The following OGDH variants were observed in gnomAD, a reference collection of about 807,000 sequenced individuals.
OGDH encodes oxoglutarate dehydrogenase, also known as 2-oxoglutarate dehydrogenase complex component E1.
OGDH carries 38 observed loss-of-function variants against 116.6 expected under a neutral mutation model. The observed-to-expected ratio is 0.33, with a 90% CI of 0.25 to 0.43. The LOEUF is 0.43. Among genes scored for constraint, OGDH ranks in the 20% least tolerant of loss-of-function variants. The pLI is 1.00. For synonymous variants in OGDH, 488 were observed against 533.3 expected (o/e 0.92, Z 1.17); for missense variants, 825 against 1,357.2 (o/e 0.61, Z 6.16).
At chr7:44,696,253 C>A in intron 13 of OGDH, 126 bp downstream of exon 13, 1 of 1,031,600 alleles carries the variant, frequency 9.7e-7, no homozygotes, top group Non-Finnish European at 1.5e-6. Flanking sequence ...TGCACCATTT[C>A]AGCAAAGCCC....
chr7:44,612,833 C>A (rs576642556), intron 1 of OGDH, among the ~76,000 whole-genome samples: 133 of 152,102 alleles, frequency 8.7e-4, no homozygotes, highest in African/African-American at 3.1e-3. Flanking sequence ...GTAGCTGGGA[C>A]TGCAGGCACG....
chr7:44,606,976 G>A (rs1389231845), intron 1 of OGDH, among the ~76,000 whole-genome samples: 4 of 152,142 alleles, frequency 2.6e-5, no homozygotes, highest in Non-Finnish European at 5.9e-5. Flanking sequence ...CGGGCGCGGC[G>A]GCGGATGTGA....
intron 9 of OGDH, among the ~76,000 whole-genome samples, chr7:44,677,746 C>T (rs1428576721): frequency 1.3e-5 from 2 of 151,932 alleles, no homozygotes; most frequent in Non-Finnish European, 2.9e-5. Context: ...TGGTGGCACA[C>T]GCCTGTAGTC....
At chr7:44,620,017 ATTTTT>A in intron 1 of OGDH, among the ~76,000 whole-genome samples, 1 of 152,120 alleles carries the variant, frequency 6.6e-6, no homozygotes, top group South Asian at 2.1e-4. Flanking sequence ...AAGCACAAAA[ATTTTT>A]TGTTTTGTTT....
Position 44,674,466 on chromosome 7 carries a change from G to A in OGDH, c.844G>A (p.Gly282Ser). 6.2e-7 allele frequency: 1 copy of A among 1,614,158 alleles called. No homozygotes were observed. Among genetic ancestry groups the A allele is most frequent in the Non-Finnish European group, 8.5e-7 (1 of 1,180,032 alleles). ...WSSEKRFGLEGCEVLIPALKT... is the reference protein window; with the variant it reads ...WSSEKRFGLESCEVLIPALKT... ...CTCTGAGAAGCGCTTTGGTCTAGAA[G>A]GCTGCGAGGTACTGATCCCTGCCCT... Residue 282 changes from glycine to serine, a missense_variant, in exon 7 of 23, where the codon GGC becomes AGC. Physicochemically the swap from Gly to Ser is moderately conservative, Grantham distance 56 (BLOSUM62 0). Around this residue, in one of 7 missense-constraint regions of OGDH, gnomAD observed 171 missense variants for 276.8 expected, o/e 0.62. Transcript: ENST00000222673.
chr7:44,700,187 A>G lies in OGDH; in HGVS notation c.2477A>G (p.Asn826Ser), dbSNP rs778123245. 2 of 1,614,136 alleles carry G rather than the reference A, an allele frequency of 1.2e-6. No individual in the cohort carries two copies. The highest frequency in any genetic ancestry group is 3.3e-5 in the Admixed American group (2 of 60,016). Residue 826 changes from asparagine to serine, a missense_variant, in exon 19 of 23, where the codon AAT (asparagine) becomes AGT (serine). Physicochemically the swap from Asn to Ser is conservative, Grantham distance 46 (BLOSUM62 1). Around this residue, in one of 7 missense-constraint regions of OGDH, gnomAD observed 212 missense variants for 284.3 expected, o/e 0.75. Coordinates refer to ENST00000222673, the MANE Select transcript of OGDH (RefSeq NM_002541.4). ...GACATCAATCAGCTATATGACTGCAATTGGGTTGTTGTCAACTGCTCCACT... is the reference window on the plus strand; with the variant it reads ...GACATCAATCAGCTATATGACTGCAGTTGGGTTGTTGTCAACTGCTCCACT... Reference protein sequence around the residue: ...NFDINQLYDCNWVVVNCSTPG... With the variant: ...NFDINQLYDCSWVVVNCSTPG...
chr7:44,667,839 C>T (rs1479055200), intron 5 of OGDH, among the ~76,000 whole-genome samples: 1 of 152,146 alleles, frequency 6.6e-6, no homozygotes, highest in Non-Finnish European at 1.5e-5. Context: ...GGAATGGGGA[C>T]CCTCAGAATT....
intron 2 of OGDH, among the ~76,000 whole-genome samples, chr7:44,635,121 T>C (rs1785605790): frequency 6.6e-6 from 1 of 152,186 alleles, no homozygotes; most frequent in Admixed American, 6.5e-5. Context: ...TGGTCTACAC[T>C]GAGGCCGGGA....
At chr7:44,696,830 G>A (rs182795554) in intron 14 of OGDH, 84 bp from the exon 15 acceptor site, 42 of 1,467,850 alleles carry the variant, frequency 2.9e-5, no homozygotes, top group African/African-American at 2.7e-4. Flanking sequence ...AGAAGGCTCC[G>A]CTCTTGCCAT....
intron 5 of OGDH, among the ~76,000 whole-genome samples, chr7:44,668,634 A>AG (rs141953264): frequency 0.063 from 9,526 of 152,154 alleles, 372 homozygotes; most frequent in Middle Eastern, 0.095. Flanking sequence ...ATTGGGCACC[A>AG]GGGGGGAGTG....
chr7:44,610,582 G>C (rs551245873), intron 1 of OGDH, among the ~76,000 whole-genome samples: 7 of 151,948 alleles, frequency 4.6e-5, no homozygotes, highest in Admixed American at 2.0e-4. Flanking sequence ...GATTACAGGC[G>C]TGAGCCACTG....
chr7:44,635,148 T>TA lies in OGDH; in HGVS notation c.223-10178dup, dbSNP rs1396553139. ...AGGCCGGGATGGGAGGCCTGCCCCTTACAGCAGCGCCGGCTGAACTCCAGG... is the reference window on the plus strand; with the variant it reads ...AGGCCGGGATGGGAGGCCTGCCCCTTAACAGCAGCGCCGGCTGAACTCCAGG... On this transcript the variant is annotated intron_variant, in intron 2 of 22. Transcript: ENST00000222673. 2.1e-4 allele frequency among the ~76,000 whole-genome samples: 32 copies of TA among 152,124 alleles called. 1 individual carries two copies. Among genetic ancestry groups the TA allele is most frequent in the Admixed American group, 2.1e-3 (32 of 15,280 alleles).
At chr7:44,685,558 G>A (rs907664624) in intron 10 of OGDH, among the ~76,000 whole-genome samples, 1 of 151,940 alleles carries the variant, frequency 6.6e-6, no homozygotes, top group African/African-American at 2.4e-5. Context: ...TTCCTGTTAT[G>A]AATAATGCTG....
intron 2 of OGDH, among the ~76,000 whole-genome samples, chr7:44,643,867 GAAA>G (rs1786055794): frequency 6.6e-6 from 1 of 152,178 alleles, no homozygotes; most frequent in Non-Finnish European, 1.5e-5. Context: ...TTAGAGGCTG[GAAA>G]AGGTATTGCA....
intron 10 of OGDH, among the ~76,000 whole-genome samples, chr7:44,683,631 A>G (rs990543122): frequency 6.6e-6 from 1 of 151,946 alleles, no homozygotes. Flanking sequence ...CTTTATATCC[A>G]CTCTTATTTA....
chr7:44,637,674 G>T (rs1029559611), intron 2 of OGDH, among the ~76,000 whole-genome samples: 1 of 152,128 alleles, frequency 6.6e-6, no homozygotes, highest in Non-Finnish European at 1.5e-5. Flanking sequence ...AACCAGACAC[G>T]ATGGCGGTGC....
intron 1 of OGDH, among the ~76,000 whole-genome samples, chr7:44,606,920 C>T (rs1053030259): frequency 6.6e-6 from 1 of 151,780 alleles, no homozygotes; most frequent in Admixed American, 6.6e-5. Flanking sequence ...TCCGAGGTCG[C>T]GCGGGGCGCG....
rs1788503720 is a variant in OGDH, at chr7:44,694,691, A to T, written c.1668+115A>T. On this transcript the variant is annotated intron_variant, in intron 12 of 22. Coordinates refer to ENST00000222673, the MANE Select transcript of OGDH (RefSeq NM_002541.4). This position sits in a 1 kb window ranked among gnomAD's most constrained non-coding sequence, Gnocchi z 4.2. ...CAGTTATGAGGATACACGTGAGAGG[A>T]TGTGAAATATTTACAACTACAGCAT... The T allele has an allele frequency of 8.5e-7, 1 of 1,170,482 alleles. No individual in the cohort carries two copies. Among genetic ancestry groups the T allele is most frequent in the Non-Finnish European group, 1.2e-6 (1 of 824,726 alleles). The allele number at this position is 1,170,482 out of a possible 1,614,324, so 72.5% of individuals were successfully genotyped here. A position where few individuals can be genotyped will look rare whatever the true frequency, so the allele number is the denominator to read the frequency against.
chr7:44,641,853 T>C (rs567401767), intron 2 of OGDH, among the ~76,000 whole-genome samples: 57 of 152,344 alleles, frequency 3.7e-4, no homozygotes, highest in African/African-American at 1.3e-3. Context: ...CACAGCCACC[T>C]TTTAGATCCC....
Sources: allele counts gnomAD v4.1 joint callset (sites outside exome capture counted in the v4.1 genomes callset), GRCh38; gene constraint gnomAD v4.1.1; regional missense constraint gnomAD v4.1.1; non-coding constraint Gnocchi (gnomAD v3.1); transcripts MANE v1.5; gene names NCBI Gene and HGNC (gene_info 2026-07-23, HGNC 2026-07-21).